The following EEFSEC variants were observed in gnomAD, a reference collection of about 807,000 sequenced individuals.
EEFSEC encodes the protein eukaryotic elongation factor, selenocysteine-tRNA specific, also known as selenocysteine-specific elongation factor.
EEFSEC carries 43 observed loss-of-function variants against 42.1 expected under a neutral mutation model. That is an observed-to-expected ratio of 1.02 (90% CI 0.80 to 1.32). The LOEUF (loss-of-function observed/expected upper bound fraction) is 1.32, where lower values mean the gene tolerates loss of function less well. EEFSEC is among the 40% of genes most tolerant of loss of function. The pLI, the probability that EEFSEC is intolerant of heterozygous loss-of-function variation, is 0.00. For missense variants in EEFSEC, 745 were observed against 803.6 expected, an observed-to-expected ratio of 0.93 and a Z score of 0.88; for synonymous variants, 354 against 339.1, an observed-to-expected ratio of 1.04 and a Z score of -0.48.
At chr3:128,363,787 G>A (rs2067556797) in intron 6 of EEFSEC, among the ~76,000 whole-genome samples, 1 of 152,210 alleles carries the variant, frequency 6.6e-6, no homozygotes, top group Non-Finnish European at 1.5e-5. Flanking sequence ...GGAATAGACT[G>A]GACTGGAATG....
chr3:128,401,707 C>T (rs1289472691), intron 6 of EEFSEC, among the ~76,000 whole-genome samples: 2 of 152,144 alleles, frequency 1.3e-5, no homozygotes, highest in African/African-American at 2.4e-5. Context: ...ATGTCTGACC[C>T]GGACCCTAGA....
chr3:128,359,674 G>A (rs2067501188), intron 6 of EEFSEC, among the ~76,000 whole-genome samples: 1 of 152,144 alleles, frequency 6.6e-6, no homozygotes, highest in Non-Finnish European at 1.5e-5. Flanking sequence ...GATTTTACAG[G>A]GAACACCTTT....
chr3:128,403,165 A>C (rs552264331), intron 6 of EEFSEC, among the ~76,000 whole-genome samples: 1 of 152,296 alleles, frequency 6.6e-6, no homozygotes, highest in South Asian at 2.1e-4. Flanking sequence ...TCCCAAGTCC[A>C]CAGGCGGAGG....
intron 6 of EEFSEC, among the ~76,000 whole-genome samples, chr3:128,396,071 G>A (rs1291464572): frequency 6.6e-6 from 1 of 152,186 alleles, no homozygotes; most frequent in African/African-American, 2.4e-5. Flanking sequence ...GAGATGGCCT[G>A]GACAGCCACC....
chr3:128,153,952 C>A (rs1329335112), intron 1 of EEFSEC, 129 bp downstream of exon 1: 2 of 1,327,254 alleles, frequency 1.5e-6, no homozygotes, highest in Non-Finnish European at 9.8e-7. Flanking sequence ...GCTCCTGACG[C>A]CCCAAGAGGC....
chr3:128,201,461 A>G (rs1277693836), intron 1 of EEFSEC, among the ~76,000 whole-genome samples: 1 of 152,002 alleles, frequency 6.6e-6, no homozygotes. Flanking sequence ...TTCTCTGATG[A>G]CTAATAACAT....
intron 1 of EEFSEC, 126 bp downstream of exon 1, chr3:128,153,949 A>G: frequency 7.5e-7 from 1 of 1,333,672 alleles, no homozygotes; most frequent in Non-Finnish European, 9.7e-7. Flanking sequence ...GGGGCTCCTG[A>G]CGCCCCAAGA....
intron 4 of EEFSEC, among the ~76,000 whole-genome samples, chr3:128,327,291 TCCC>T (rs59892046): frequency 0.23 from 23,892 of 105,186 alleles, 2,562 homozygotes; most frequent in African/African-American, 0.39. Context: ...ACTTTTCCCA[TCCC>T]CCCCCCCCCA....
intron 4 of EEFSEC, among the ~76,000 whole-genome samples, chr3:128,297,329 C>T (rs1294712305): frequency 2.0e-5 from 3 of 152,144 alleles, no homozygotes; most frequent in East Asian, 1.9e-4. Flanking sequence ...TGATAACTTT[C>T]GGAGAACTGG....
rs568665476 is a variant in EEFSEC, at chr3:128,264,402, C to T, written c.622-215C>T. ...CAGGTGCCCTTTCCTTCAGACTGAG[C>T]GGAAAGAGCTGAGAGCATGGCAGAA... On this transcript the variant is annotated intron_variant, in intron 3 of 6. Transcript: ENST00000254730. 1.6e-4 allele frequency among the ~76,000 whole-genome samples: 24 copies of T among 152,244 alleles called. No homozygotes were observed. The South Asian group carries it at 2.9e-3, about 18-fold the overall frequency.
rs1368740738 is a variant in EEFSEC at position 128,346,301 on chromosome 3, AC to A, written c.1443+4414del. ...CGATCAAACACAATTTAATTAACTT[AC>A]CATTGGTAAATGGCTTTCCTTGCTT... On this transcript the variant is annotated intron_variant, in intron 5 of 6. Transcript: ENST00000254730. Among the ~76,000 whole-genome samples the A allele has an allele frequency of 6.6e-5, 10 of 152,360 alleles. No homozygotes were observed. In the East Asian group the frequency reaches 1.9e-3, roughly 29 times the overall value.
intron 1 of EEFSEC, among the ~76,000 whole-genome samples, chr3:128,159,490 G>A (rs553594634): frequency 1.3e-5 from 2 of 152,184 alleles, no homozygotes; most frequent in Non-Finnish European, 2.9e-5. Flanking sequence ...TTTTACAAGT[G>A]TTCATCAGAT....
chr3:128,374,978 A>G (rs1431694742), intron 6 of EEFSEC, among the ~76,000 whole-genome samples: 1 of 152,196 alleles, frequency 6.6e-6, no homozygotes, highest in African/African-American at 2.4e-5. Context: ...CATCTGTTCC[A>G]CCTGGCCCTG....
At chr3:128,322,958 C>T (rs945694330) in intron 4 of EEFSEC, among the ~76,000 whole-genome samples, 6 of 152,172 alleles carry the variant, frequency 3.9e-5, no homozygotes, top group Non-Finnish European at 5.9e-5. Flanking sequence ...TACCCCACCC[C>T]GGGGCAGAGT....
intron 1 of EEFSEC, among the ~76,000 whole-genome samples, chr3:128,189,125 C>A (rs935151649): frequency 3.9e-5 from 6 of 152,228 alleles, no homozygotes; most frequent in African/African-American, 1.2e-4. Context: ...GAATCATCTG[C>A]TGAGCAAGTC....
chr3:128,247,093 G>A (rs1378071871), intron 2 of EEFSEC, 50 bp downstream of exon 2: 88 of 1,578,458 alleles, frequency 5.6e-5, no homozygotes, highest in Non-Finnish European at 7.6e-5. Flanking sequence ...GGCTTCTGGG[G>A]CCTCCCATGT....
At chr3:128,260,402 GAGA>G (rs950762765) in intron 2 of EEFSEC, among the ~76,000 whole-genome samples, 10 of 151,780 alleles carry the variant, frequency 6.6e-5, no homozygotes, top group Non-Finnish European at 1.0e-4. Flanking sequence ...CATGAAATTT[GAGA>G]AGTTTTTGGC....
intron 6 of EEFSEC, among the ~76,000 whole-genome samples, chr3:128,360,778 G>C (rs1394511750): frequency 6.6e-6 from 1 of 152,098 alleles, no homozygotes; most frequent in East Asian, 1.9e-4. Flanking sequence ...CAGTCCACTA[G>C]AGTTCACATT....
intron 1 of EEFSEC, among the ~76,000 whole-genome samples, chr3:128,210,290 A>G (rs2107831289): frequency 6.6e-6 from 1 of 152,312 alleles, no homozygotes; most frequent in African/African-American, 2.4e-5. Flanking sequence ...TGAGGTTGGT[A>G]GTTGGCAGAG....
Sources: allele counts gnomAD v4.1 joint callset (sites outside exome capture counted in the v4.1 genomes callset), GRCh38; gene constraint gnomAD v4.1.1; transcripts MANE v1.5; gene names NCBI Gene and HGNC (gene_info 2026-07-23, HGNC 2026-07-21).